SHISA9: variants seen among roughly 807,000 people sequenced by gnomAD.
SHISA9 encodes the protein shisa family member 9.
In SHISA9, 13 loss-of-function variants were observed where a neutral mutation model predicts 38.0. The ratio of observed to expected loss-of-function variants is 0.34; its 90% CI spans 0.22 to 0.54. SHISA9 has a LOEUF of 0.54. Among genes scored for constraint, SHISA9 ranks in the 20% least tolerant of loss-of-function variants. The pLI, the probability that SHISA9 is intolerant of heterozygous loss-of-function variation, is 0.91. For missense variants in SHISA9, 538 were observed against 575.8 expected (o/e 0.93, Z 0.67); for synonymous variants, 275 against 242.0 (o/e 1.14, Z -1.27).
chr16:13,046,972 G>T (rs1169678226), intron 2 of SHISA9, among the ~76,000 whole-genome samples: 1 of 152,108 alleles, frequency 6.6e-6, no homozygotes, highest in Non-Finnish European at 1.5e-5. Flanking sequence ...TGCCTTGCAT[G>T]CTGTTCCACT....
intron 2 of SHISA9, among the ~76,000 whole-genome samples, chr16:13,128,672 AT>A (rs2050281556): frequency 6.6e-6 from 1 of 152,158 alleles, no homozygotes; most frequent in African/African-American, 2.4e-5. Context: ...CTTAGGTTTG[AT>A]TCTATGACTT....
chr16:12,955,047 G>A (rs1423665203), intron 2 of SHISA9, among the ~76,000 whole-genome samples: 1 of 149,490 alleles, frequency 6.7e-6, no homozygotes, highest in Non-Finnish European at 1.5e-5. Context: ...AAGCCAGGAG[G>A]TGTGCATTGC....
intron 2 of SHISA9, among the ~76,000 whole-genome samples, chr16:13,147,698 G>C (rs1056903122): frequency 1.3e-5 from 2 of 152,140 alleles, no homozygotes; most frequent in African/African-American, 2.4e-5. Context: ...CTGACCTCAG[G>C]TGATCTGCCT....
intron 2 of SHISA9, among the ~76,000 whole-genome samples, chr16:13,200,686 G>A (rs1024236220): frequency 1.2e-5 from 1 of 83,592 alleles, no homozygotes; most frequent in African/African-American, 5.4e-5. Context: ...CTCTCCCATC[G>A]CAGCTGAATC....
the SHISA9 span, among the ~76,000 whole-genome samples, chr16:13,380,396 G>A: frequency 6.6e-6 from 1 of 152,156 alleles, no homozygotes; most frequent in African/African-American, 2.4e-5. Flanking sequence ...AGCAGATCAT[G>A]TACAAAGCAT....
At chr16:13,443,992 C>A in the SHISA9 span, among the ~76,000 whole-genome samples, 11 of 152,234 alleles carry the variant, frequency 7.2e-5, no homozygotes, top group Admixed American at 6.5e-5. Context: ...GAATAGCCAT[C>A]TCCCAGGATC....
rs199568340 is a variant in SHISA9 at position 13,181,308 on chromosome 16, T to C, written c.692-22086T>C. Among the ~76,000 whole-genome samples, 27 of 37,928 alleles carry C rather than the reference T, an allele frequency of 7.1e-4. 1 individual carries two copies. Among genetic ancestry groups the C allele is most frequent in the African/African-American group, 3.9e-3 (25 of 6,412 alleles). The allele number at this position is 37,928 out of a possible 152,430, so 24.9% of individuals were successfully genotyped here. A position where few individuals can be genotyped will look rare whatever the true frequency, so the allele number is the denominator to read the frequency against. Reference sequence around the variant, plus strand: ...ATATATATATATATATATATATATATATATACACACACACACACACACACA... The same window carrying C: ...ATATATATATATATATATATATATACATATACACACACACACACACACACA... On this transcript the variant is annotated intron_variant, in intron 2 of 4. Coordinates refer to ENST00000558583, the MANE Select transcript of SHISA9 (RefSeq NM_001145204.3).
intron 4 of SHISA9, among the ~76,000 whole-genome samples, chr16:13,228,342 T>A (rs1466357388): frequency 6.6e-6 from 1 of 152,216 alleles, no homozygotes; most frequent in Non-Finnish European, 1.5e-5. Context: ...TTAATGGGAT[T>A]TTCCCCCCAT....
At chr16:13,203,347 G>T (rs371519074) in intron 2 of SHISA9, 47 bp from the exon 3 acceptor site, 22 of 1,422,018 alleles carry the variant, frequency 1.5e-5, no homozygotes, top group Non-Finnish European at 1.9e-5. Context: ...GAAGGTAGAT[G>T]GTTCTGCCCT....
At chr16:12,910,733 G>C in intron 1 of SHISA9, 1 of 984,868 alleles carries the variant, frequency 1.0e-6, no homozygotes, top group Non-Finnish European at 1.2e-6. Flanking sequence ...GTAACTGCAA[G>C]AGACAGGGTT....
At chr16:13,365,725 C>G in the SHISA9 span, among the ~76,000 whole-genome samples, 6 of 152,122 alleles carry the variant, frequency 3.9e-5, no homozygotes, top group African/African-American at 1.4e-4. Flanking sequence ...TCCCAAAGTG[C>G]TGGGATTACA....
chr16:13,310,504 TG>T, the SHISA9 span, among the ~76,000 whole-genome samples: 1 of 151,976 alleles, frequency 6.6e-6, no homozygotes, highest in Non-Finnish European at 1.5e-5. Flanking sequence ...TTCCTAGAGG[TG>T]TGATTATTTA....
chr16:13,415,868 C>T, the SHISA9 span, among the ~76,000 whole-genome samples: 18 of 147,558 alleles, frequency 1.2e-4, no homozygotes, highest in African/African-American at 4.2e-4. Flanking sequence ...TTGTATGAAA[C>T]GAAAAAAAGA....
At chr16:13,389,628 G>C in the SHISA9 span, among the ~76,000 whole-genome samples, 1 of 152,252 alleles carries the variant, frequency 6.6e-6, no homozygotes, top group South Asian at 2.1e-4. Context: ...AGGGATCATA[G>C]CATGGAATCA....
chr16:13,026,788 T>C (rs1287346878), intron 2 of SHISA9, among the ~76,000 whole-genome samples: 1 of 152,184 alleles, frequency 6.6e-6, no homozygotes, highest in Non-Finnish European at 1.5e-5. Context: ...ACCTATGTAA[T>C]GCAGATAAAG....
At chr16:13,416,891 CAAGA>C in the SHISA9 span, among the ~76,000 whole-genome samples, 1,174 of 150,062 alleles carry the variant, frequency 7.8e-3, 14 homozygotes, top group African/African-American at 0.023. Flanking sequence ...GAAGGAAGAG[CAAGA>C]AAGAAAGAAA....
the SHISA9 span, among the ~76,000 whole-genome samples, chr16:13,389,549 TTTA>T: frequency 6.6e-6 from 1 of 152,140 alleles, no homozygotes; most frequent in East Asian, 1.9e-4. Context: ...TGTACCACAG[TTTA>T]TTGATTCACC....
chr16:13,479,298 G>T, the SHISA9 span, among the ~76,000 whole-genome samples: 14 of 152,228 alleles, frequency 9.2e-5, no homozygotes, highest in Admixed American at 8.5e-4. Context: ...CATCATGTCT[G>T]CAAAGCCACT....
At chr16:13,354,357 G>A in the SHISA9 span, among the ~76,000 whole-genome samples, 2 of 125,978 alleles carry the variant, frequency 1.6e-5, no homozygotes, top group Admixed American at 1.7e-4. Flanking sequence ...TGAGGAACAG[G>A]AAAGAAGGAA....
Sources: allele counts gnomAD v4.1 joint callset (sites outside exome capture counted in the v4.1 genomes callset), GRCh38; gene constraint gnomAD v4.1.1; transcripts MANE v1.5; gene names NCBI Gene and HGNC (gene_info 2026-07-23, HGNC 2026-07-21).